Variants in FUT9 observed in about 807,000 individuals in gnomAD.
FUT9 encodes the protein fucosyltransferase 9.
In FUT9, 15 loss-of-function variants were observed where a neutral mutation model predicts 29.7. The observed-to-expected ratio is 0.51, with a 90% confidence interval of 0.34 to 0.78. The LOEUF is 0.78. FUT9 is among the 30% of genes least tolerant of loss of function. The pLI, the probability that FUT9 is intolerant of heterozygous loss-of-function variation, is 0.01. For missense variants in FUT9, 319 were observed against 425.4 expected (o/e 0.75, Z 2.20); for synonymous variants, 169 against 153.7 (o/e 1.10, Z -0.74).
In FUT9 at chr6:96,035,791, T is replaced by A. The variant is rs1294777779; in HGVS notation, c.-98+19579T>A. Among the ~76,000 whole-genome samples the A allele has an allele frequency of 3.4e-3, 374 of 110,130 alleles. 1 individual carries two copies. The highest frequency in any genetic ancestry group is 0.011 in the African/African-American group (362 of 31,488). 72.2% of individuals were successfully genotyped at this position (110,130 alleles called of 152,430 possible). ...TTAAAATATAATATAATTTATTTAT[T>A]ATACTAATATAATATAATACATATA... On this transcript the variant is annotated intron_variant, in intron 1 of 2. Coordinates refer to ENST00000302103, the MANE Select transcript of FUT9 (RefSeq NM_006581.4).
At chr6:96,179,098 G>C (rs576441249) in intron 2 of FUT9, among the ~76,000 whole-genome samples, 50 of 152,142 alleles carry the variant, frequency 3.3e-4, no homozygotes, top group African/African-American at 1.1e-3. Context: ...TAAATATATA[G>C]TTATTGGGAT....
chr6:96,112,122 T>C (rs1406191004), intron 1 of FUT9, among the ~76,000 whole-genome samples: 1 of 152,210 alleles, frequency 6.6e-6, no homozygotes, highest in Admixed American at 6.5e-5. Context: ...CAAGTGAAGA[T>C]TGTAATAAGA....
intron 1 of FUT9, among the ~76,000 whole-genome samples, chr6:96,096,620 C>T (rs532386593): frequency 9.3e-5 from 14 of 151,298 alleles, no homozygotes; most frequent in Admixed American, 4.0e-4. Context: ...GGAATCTAGA[C>T]ATGGTTTTCT....
chr6:96,016,467 G>A (rs898987164), intron 1 of FUT9, among the ~76,000 whole-genome samples: 1 of 152,056 alleles, frequency 6.6e-6, no homozygotes, highest in Non-Finnish European at 1.5e-5. Context: ...CAGCCCCCAG[G>A]CTCCCACACT....
At chr6:96,053,294 A>C (rs1300009615) in intron 1 of FUT9, among the ~76,000 whole-genome samples, 1 of 152,204 alleles carries the variant, frequency 6.6e-6, no homozygotes, top group Non-Finnish European at 1.5e-5. Flanking sequence ...CTTTAAATCT[A>C]TTGTATCCAA....
intron 2 of FUT9, among the ~76,000 whole-genome samples, chr6:96,185,180 C>T (rs4280964): frequency 0.91 from 138,522 of 151,850 alleles, 64,529 homozygotes; most frequent in Non-Finnish European, 1. Flanking sequence ...GAATGAAAGG[C>T]GGGAATAACA....
intron 2 of FUT9, among the ~76,000 whole-genome samples, chr6:96,127,267 C>T (rs1177797569): frequency 6.6e-6 from 1 of 152,120 alleles, no homozygotes; most frequent in Non-Finnish European, 1.5e-5. Flanking sequence ...GTTTAGCTCC[C>T]ACTTATAAGT....
chr6:96,203,462 T>C lies in FUT9; in HGVS notation c.307T>C (p.Ser103Pro). The C allele has an allele frequency of 6.2e-7, 1 of 1,608,414 alleles. No homozygotes were observed. Among genetic ancestry groups the C allele is most frequent in the Non-Finnish European group, 8.5e-7 (1 of 1,176,938 alleles). ...LTTDRSLYNK[S>P]HAVLIHHRDI... ...AACGGACCGTTCACTGTACAACAAATCCCATGCAGTTCTGATCCATCACCG... is the reference window on the plus strand; with the variant it reads ...AACGGACCGTTCACTGTACAACAAACCCCATGCAGTTCTGATCCATCACCG... Residue 103 changes from serine (S) to proline (P), a missense_variant, in exon 3 of 3, where the codon TCC becomes CCC. By Grantham distance (74) the Ser-to-Pro change is moderately conservative. Transcript: ENST00000302103.
chr6:96,147,444 T>C (rs1582266862), intron 2 of FUT9, among the ~76,000 whole-genome samples: 1 of 152,174 alleles, frequency 6.6e-6, no homozygotes, highest in South Asian at 2.1e-4. Flanking sequence ...GCTGGGATTA[T>C]AGGCATGAGC....
chr6:96,171,620 A>G (rs1337497133), intron 2 of FUT9, among the ~76,000 whole-genome samples: 1 of 152,172 alleles, frequency 6.6e-6, no homozygotes, highest in African/African-American at 2.4e-5. Flanking sequence ...ATTTTATCTC[A>G]ATGCATGACT....
Position 96,116,492 on chromosome 6 carries a change from G to GA in FUT9, c.-9+2369dup, listed in dbSNP as rs1297148283. 2.0e-5 allele frequency among the ~76,000 whole-genome samples: 3 copies of GA among 152,138 alleles called. No homozygotes were observed. In the East Asian group the frequency reaches 5.8e-4, roughly 29 times the overall value. ...AAAAAACAATATGGGAATATTTACA[G>GA]AAAATTTGATTTCAATTGCCAAAAT... is the stretch of plus-strand genomic sequence containing the variant. On this transcript the variant is annotated intron_variant, in intron 2 of 2. Transcript: ENST00000302103.
chr6:96,019,393 AT>A (rs961243888), intron 1 of FUT9, among the ~76,000 whole-genome samples: 2 of 151,812 alleles, frequency 1.3e-5, no homozygotes, highest in Non-Finnish European at 2.9e-5. Context: ...AAGTATTTGC[AT>A]TTTTATTTAT....
intron 1 of FUT9, among the ~76,000 whole-genome samples, chr6:96,092,150 A>C (rs1386511039): frequency 6.6e-6 from 1 of 152,120 alleles, no homozygotes; most frequent in African/African-American, 2.4e-5. Context: ...AGATTAATAG[A>C]TTAGAGAAAA....
chr6:96,150,834 GT>G (rs1772662661), intron 2 of FUT9, among the ~76,000 whole-genome samples: 1 of 152,090 alleles, frequency 6.6e-6, no homozygotes, highest in African/African-American at 2.4e-5. Context: ...ATAATGAAAG[GT>G]TTATATCATT....
intron 1 of FUT9, among the ~76,000 whole-genome samples, chr6:96,104,960 AAGAT>A (rs1231123021): frequency 1.3e-5 from 2 of 152,196 alleles, no homozygotes; most frequent in Non-Finnish European, 2.9e-5. Flanking sequence ...AATAAGAACA[AAGAT>A]AAAGAGTCAT....
chr6:96,079,270 T>C (rs1030416056), intron 1 of FUT9, among the ~76,000 whole-genome samples: 3 of 152,220 alleles, frequency 2.0e-5, no homozygotes, highest in Admixed American at 1.3e-4. Context: ...ACTCAGTGCC[T>C]TCAAATACTG....
At chr6:96,124,082 T>C (rs1360223061) in intron 2 of FUT9, among the ~76,000 whole-genome samples, 1 of 152,126 alleles carries the variant, frequency 6.6e-6, no homozygotes, top group Admixed American at 6.5e-5. Flanking sequence ...AATTACACAT[T>C]TTGTGGGATC....
At chr6:96,105,587 T>G (rs1290268716) in intron 1 of FUT9, among the ~76,000 whole-genome samples, 1 of 152,210 alleles carries the variant, frequency 6.6e-6, no homozygotes, top group Non-Finnish European at 1.5e-5. Flanking sequence ...CCAAGAGCCT[T>G]TTGTCTAAAT....
chr6:96,165,287 C>T lies in FUT9; in HGVS notation c.-8-37861C>T, dbSNP rs142420729. Among the ~76,000 whole-genome samples the T allele has an allele frequency of 4.8e-3, 730 of 151,790 alleles. 11 individuals carry two copies. The highest frequency in any genetic ancestry group is 0.017 in the African/African-American group (691 of 41,376). On this transcript the variant is annotated intron_variant, in intron 2 of 2. Transcript: ENST00000302103. ...TCTCTACTAAAAATACAAAATTAGC[C>T]GGTCGTGATGGTGGGCACCTGTAAT...
Sources: allele counts gnomAD v4.1 joint callset (sites outside exome capture counted in the v4.1 genomes callset), GRCh38; gene constraint gnomAD v4.1.1; transcripts MANE v1.5; gene names NCBI Gene and HGNC (gene_info 2026-07-23, HGNC 2026-07-21).